TAFA2: variants seen among roughly 807,000 people sequenced by gnomAD.
TAFA2 encodes chemokine-like protein TAFA-2.
Under a neutral mutation model 18.8 loss-of-function variants are expected in TAFA2, and 7 were observed. That is an observed-to-expected ratio of 0.37 (90% CI 0.21 to 0.70). TAFA2 has a LOEUF of 0.70. TAFA2 is among the 30% of genes least tolerant of loss of function. TAFA2 has a pLI of 0.53. For synonymous variants in TAFA2, 60 were observed against 54.2 expected (o/e 1.11, Z -0.47); for missense variants, 122 against 158.1 (o/e 0.77, Z 1.23).
At chr12:62,220,973 A>G (rs1395838997) in intron 1 of TAFA2, among the ~76,000 whole-genome samples, 1 of 151,810 alleles carries the variant, frequency 6.6e-6, no homozygotes, top group Non-Finnish European at 1.5e-5. Flanking sequence ...CGGGCATGGT[A>G]GCGGGCGCCT....
intron 1 of TAFA2, among the ~76,000 whole-genome samples, chr12:62,198,654 C>T (rs989570129): frequency 4.6e-5 from 7 of 152,116 alleles, no homozygotes; most frequent in African/African-American, 1.7e-4. Context: ...AATAATGTGT[C>T]TCTCACTTAT....
intron 1 of TAFA2, among the ~76,000 whole-genome samples, chr12:62,102,696 G>A (rs1476452886): frequency 6.6e-6 from 1 of 152,090 alleles, no homozygotes; most frequent in Admixed American, 6.6e-5. Context: ...AACAATTCCT[G>A]TATTATGATA....
rs1300895717 is a variant in TAFA2, at chr12:61,946,409, T to C, written c.-1-78983A>G. On this transcript the variant is annotated intron_variant, in intron 1 of 4. Coordinates refer to ENST00000416284, the MANE Select transcript of TAFA2 (RefSeq NM_178539.5). ...GACATAGGCGTGGGCAAGGACTTCATGTCCAAAACACCAAAAGCAATGGCA... is the reference window on the plus strand; with the variant it reads ...GACATAGGCGTGGGCAAGGACTTCACGTCCAAAACACCAAAAGCAATGGCA... Among the ~76,000 whole-genome samples the C allele has an allele frequency of 3.1e-3, 374 of 120,392 alleles. 3 individuals carry two copies. Among genetic ancestry groups the C allele is most frequent in the African/African-American group, 0.011 (354 of 31,192 alleles). The allele number at this position is 120,392 out of a possible 152,430, so 79.0% of individuals were successfully genotyped here. A position where few individuals can be genotyped will look rare whatever the true frequency, so the allele number is the denominator to read the frequency against.
intron 1 of TAFA2, among the ~76,000 whole-genome samples, chr12:61,924,106 C>G (rs557396812): frequency 6.6e-6 from 1 of 151,878 alleles, no homozygotes; most frequent in Non-Finnish European, 1.5e-5. Context: ...ACCAACCCTA[C>G]GTTTCATTGG....
chr12:62,109,803 G>A, intron 1 of TAFA2, among the ~76,000 whole-genome samples: 1 of 152,276 alleles, frequency 6.6e-6, no homozygotes, highest in South Asian at 2.1e-4. Flanking sequence ...GTATAGGAAT[G>A]CCTGTGATTT....
At chr12:61,801,754 C>A (rs1428259950) in intron 2 of TAFA2, among the ~76,000 whole-genome samples, 1 of 151,944 alleles carries the variant, frequency 6.6e-6, no homozygotes, top group Non-Finnish European at 1.5e-5. Context: ...CAAAAATAGA[C>A]AAATGGAACT....
intron 1 of TAFA2, among the ~76,000 whole-genome samples, chr12:61,976,402 T>TAAAA (rs1439543223): frequency 6.6e-6 from 1 of 151,936 alleles, no homozygotes; most frequent in African/African-American, 2.4e-5. Context: ...TCACAATACA[T>TAAAA]GATTGGAAAA....
intron 1 of TAFA2, among the ~76,000 whole-genome samples, chr12:62,067,058 A>C (rs1342814264): frequency 6.6e-6 from 1 of 152,076 alleles, no homozygotes; most frequent in African/African-American, 2.4e-5. Context: ...ATTTATCTGA[A>C]GATCAGTGAT....
At chr12:61,733,397 T>C (rs909174449) in intron 4 of TAFA2, among the ~76,000 whole-genome samples, 1 of 152,172 alleles carries the variant, frequency 6.6e-6, no homozygotes, top group African/African-American at 2.4e-5. Flanking sequence ...AGGGTTTTTA[T>C]GGTTTTAGGT....
chr12:61,975,567 A>T (rs1180214690), intron 1 of TAFA2, among the ~76,000 whole-genome samples: 1 of 112,136 alleles, frequency 8.9e-6, no homozygotes, highest in Non-Finnish European at 1.9e-5. Flanking sequence ...TTATTTACTC[A>T]TCTGTTGACA....
intron 1 of TAFA2, among the ~76,000 whole-genome samples, chr12:61,940,500 G>A (rs1877955891): frequency 6.6e-6 from 1 of 152,166 alleles, no homozygotes; most frequent in Admixed American, 6.5e-5. Context: ...TAGAGGGAGA[G>A]GCCTTACTCT....
intron 1 of TAFA2, among the ~76,000 whole-genome samples, chr12:62,187,272 G>T (rs140223426): frequency 0.015 from 2,305 of 152,076 alleles, 101 homozygotes; most frequent in Admixed American, 0.091. Context: ...ATCTCCAAAA[G>T]AAAAATTCAT....
At chr12:61,938,199 TCAA>T (rs1014179306) in intron 1 of TAFA2, among the ~76,000 whole-genome samples, 31 of 92,876 alleles carry the variant, frequency 3.3e-4, no homozygotes, top group East Asian at 1.0e-3. Context: ...ATCCATGTAA[TCAA>T]CAACAACTTG....
chr12:62,249,669 A>G (rs1026031516), intron 1 of TAFA2, among the ~76,000 whole-genome samples: 6 of 152,200 alleles, frequency 3.9e-5, no homozygotes, highest in Non-Finnish European at 5.9e-5. Context: ...GTTCCCTCTC[A>G]GACTCAGTGC....
At chr12:61,838,512 A>T (rs1424551927) in intron 2 of TAFA2, among the ~76,000 whole-genome samples, 3 of 152,034 alleles carry the variant, frequency 2.0e-5, no homozygotes, top group African/African-American at 7.2e-5. Flanking sequence ...CGGGATGGAA[A>T]GAAAAATCAT....
chr12:61,930,296 A>G lies in TAFA2; in HGVS notation c.-1-62870T>C, dbSNP rs187211334. ...TTGGCAAGATTAAGCCTTGTTTCCC[A>G]GAGCACAAATGAAGTTTTAAGAGCT... On this transcript the variant is annotated intron_variant, in intron 1 of 4. Transcript: ENST00000416284. Among the ~76,000 whole-genome samples, 411 of 152,312 alleles carry G rather than the reference A, an allele frequency of 2.7e-3. 3 individuals are homozygous for G. Among genetic ancestry groups the G allele is most frequent in the African/African-American group, 9.2e-3 (382 of 41,576 alleles).
chr12:61,956,547 C>T (rs1348290538), intron 1 of TAFA2, among the ~76,000 whole-genome samples: 1 of 148,870 alleles, frequency 6.7e-6, no homozygotes, highest in Non-Finnish European at 1.5e-5. Flanking sequence ...TTTTAAAAAT[C>T]TGAAGTTTTG....
intron 2 of TAFA2, among the ~76,000 whole-genome samples, chr12:61,821,552 C>T (rs1195908201): frequency 6.6e-6 from 1 of 151,876 alleles, no homozygotes; most frequent in African/African-American, 2.4e-5. Flanking sequence ...ACAGACAGAC[C>T]CTTAGAAACA....
intron 4 of TAFA2, among the ~76,000 whole-genome samples, chr12:61,749,605 A>G (rs1868909851): frequency 6.6e-6 from 1 of 152,140 alleles, no homozygotes; most frequent in Admixed American, 6.6e-5. Flanking sequence ...TACCTTTAAA[A>G]TCAACTTATA....
Sources: gnomAD v4.1 joint callset for allele counts (sites outside exome capture counted in the v4.1 genomes callset) on GRCh38, gnomAD v4.1.1 for gene constraint, MANE v1.5 for transcripts, NCBI Gene and HGNC (gene_info 2026-07-23, HGNC 2026-07-21) for gene names.